The following NSD2 variants were observed in gnomAD, a reference collection of about 807,000 sequenced individuals.
NSD2 encodes the protein histone-lysine N-methyltransferase NSD2.
A neutral mutation model predicts 139.0 loss-of-function variants in NSD2; 12 were observed. The ratio of observed to expected loss-of-function variants is 0.09; its 90% CI spans 0.06 to 0.14. The LOEUF (loss-of-function observed/expected upper bound fraction) is 0.14. NSD2 is among the 10% of genes least tolerant of loss of function. NSD2 has a pLI of 1.00. For missense variants in NSD2, 1,155 were observed against 1,745.0 expected (o/e 0.66, Z 6.02); for synonymous variants, 669 against 648.7 (o/e 1.03, Z -0.48).
chr4:1,968,467 A>C (rs1726107716), intron 18 of NSD2, among the ~76,000 whole-genome samples: 1 of 152,222 alleles, frequency 6.6e-6, no homozygotes, highest in Non-Finnish European at 1.5e-5. Context: ...ACTTTGTTAA[A>C]GTATACATGT....
At chr4:1,885,916 G>A (rs1715049042) in intron 1 of NSD2, among the ~76,000 whole-genome samples, 1 of 152,014 alleles carries the variant, frequency 6.6e-6, no homozygotes, top group South Asian at 2.1e-4. Context: ...TGTGCAATTT[G>A]ACACATCATT....
Position 1,935,128 on chromosome 4 carries a change from C to T in NSD2, c.1556-16C>T, listed in dbSNP as rs778746453. On this transcript the variant is annotated splice_polypyrimidine_tract_variant and intron_variant, in intron 6 of 21. Transcript: ENST00000508803. ...GAGTGGTTTTCATGTACATTTTCCC[C>T]ATTCCCCATTCCAAGGTAATGTAAA... The T allele has an allele frequency of 1.3e-6, 2 of 1,594,134 alleles. No homozygotes were observed. The highest frequency in any genetic ancestry group is 1.7e-5 in the Admixed American group (1 of 58,794).
At chr4:1,889,626 C>G (rs1459853760) in intron 1 of NSD2, among the ~76,000 whole-genome samples, 3 of 152,008 alleles carry the variant, frequency 2.0e-5, no homozygotes, top group Non-Finnish European at 4.4e-5. Context: ...CTCAGCCTCC[C>G]AGGTAACTGG....
At chr4:1,902,540 A>G (rs1717321861) in intron 2 of NSD2, among the ~76,000 whole-genome samples, 1 of 152,026 alleles carries the variant, frequency 6.6e-6, no homozygotes, top group Non-Finnish European at 1.5e-5. Context: ...GATTTTTTGA[A>G]GTGCCCACAG....
Position 1,976,993 on chromosome 4 carries a change from A to T in NSD2, c.3826+314A>T, listed in dbSNP as rs1727153763. Among the ~76,000 whole-genome samples the T allele has an allele frequency of 6.6e-6, 1 of 152,236 alleles. No homozygotes were observed. On this transcript the variant is annotated intron_variant, in intron 21 of 21. Transcript: ENST00000508803. This position sits in a 1 kb window ranked among gnomAD's most constrained non-coding sequence, Gnocchi z 5.3. Reference sequence around the variant, plus strand: ...TCCATGCTGTGGGGGCGGGGCGGCCAGGAAGGAGGCGACGCTGGGAACTAA... The same window carrying T: ...TCCATGCTGTGGGGGCGGGGCGGCCTGGAAGGAGGCGACGCTGGGAACTAA...
At chr4:1,913,264 G>C (rs754502197) in intron 3 of NSD2, among the ~76,000 whole-genome samples, 2 of 152,154 alleles carry the variant, frequency 1.3e-5, no homozygotes, top group African/African-American at 2.4e-5. Flanking sequence ...TTACTTAGCC[G>C]ACCTTGGTCT....
intron 1 of NSD2, chr4:1,899,337 G>T (rs952253641): frequency 6.6e-6 from 1 of 152,166 alleles, no homozygotes; most frequent in Non-Finnish European, 1.5e-5. Context: ...GCCCTGTTGC[G>T]CGGGCATCCT....
At chr4:1,964,219 A>G (rs1228459980) in intron 18 of NSD2, among the ~76,000 whole-genome samples, 4 of 152,182 alleles carry the variant, frequency 2.6e-5, no homozygotes, top group Non-Finnish European at 4.4e-5. Flanking sequence ...TGAGATATGG[A>G]GGGTAAATCA....
rs556727115 is a variant in NSD2, at chr4:1,982,088, T to TAGAG, written c.*3182_*3185dup. On this transcript the variant is annotated 3_prime_UTR_variant, in exon 22 of 22. Coordinates refer to ENST00000508803, the MANE Select transcript of NSD2 (RefSeq NM_001042424.3). ...TTTTGGGGGGAGGGATATACTGAAA[T>TAGAG]AGAGAGTTGAGACTTGCCAGTTGGG... 3 of 396,674 alleles carry TAGAG rather than the reference T, an allele frequency of 7.6e-6. No homozygotes were observed. The highest frequency in any genetic ancestry group is 1.3e-5 in the Non-Finnish European group (3 of 225,498). The allele number at this position is 396,674 out of a possible 1,614,324, so 24.6% of individuals were successfully genotyped here.
intron 18 of NSD2, among the ~76,000 whole-genome samples, chr4:1,966,090 G>A (rs1725856630): frequency 6.6e-6 from 1 of 152,186 alleles, no homozygotes; most frequent in African/African-American, 2.4e-5. Flanking sequence ...CTTGTATGCA[G>A]TAAAACTGTC....
chr4:1,921,743 A>G (rs533469255), intron 5 of NSD2, among the ~76,000 whole-genome samples: 51 of 148,700 alleles, frequency 3.4e-4, no homozygotes, highest in African/African-American at 1.1e-3. Context: ...AATCACGCCA[A>G]TGCACTCCAG....
chr4:1,925,591 G>A (rs1720790583), intron 5 of NSD2, among the ~76,000 whole-genome samples: 1 of 150,998 alleles, frequency 6.6e-6, no homozygotes, highest in Non-Finnish European at 1.5e-5. Flanking sequence ...TAGAGATGGG[G>A]TTTCATTATG....
Position 1,918,223 on chromosome 4 carries a change from T to G in NSD2, c.1010T>G (p.Val337Gly). The change falls in exon 5 of 22, where the codon GTG (valine) becomes GGG (glycine). Residue 337 changes from valine (V) to glycine (G), a missense_variant. Val to Gly is a moderately radical substitution (Grantham distance 109). Coordinates refer to ENST00000508803, the MANE Select transcript of NSD2 (RefSeq NM_001042424.3). ...VQAEEAASMS[V>G]EERKAKFTFL... ...GCAGAAGAAGCTGCAAGCATGTCAG[T>G]GGAGGAGCGGAAAGCCAAGTTCACC... The G allele has an allele frequency of 6.2e-7, 1 of 1,613,364 alleles. No individual in the cohort carries two copies. Among genetic ancestry groups the G allele is most frequent in the Non-Finnish European group, 8.5e-7 (1 of 1,179,934 alleles).
At chr4:1,978,509 C>G in intron 21 of NSD2, 129 bp from the exon 22 acceptor site, 2 of 1,343,342 alleles carry the variant, frequency 1.5e-6, no homozygotes, top group Non-Finnish European at 2.0e-6. Context: ...GTCTGCCCGT[C>G]CTGTTCGCTG....
rs564013708 is a variant in NSD2, at chr4:1,943,145, G to T, written c.1881+3367G>T. The stretch of plus-strand genomic sequence containing the variant: ...TGTCTTAATGTCGGGGAGCAGCCTG[G>T]TGTCCTGCCCCAGGTGTCCGCATTT... On this transcript the variant is annotated intron_variant, in intron 9 of 21. Transcript: ENST00000508803. 1.4e-5 allele frequency: 15 copies of T among 1,044,452 alleles called. No homozygotes were observed. The South Asian group carries it at 6.0e-4, about 42-fold the overall frequency. 64.7% of individuals were successfully genotyped at this position (1,044,452 alleles called of 1,614,324 possible).
intron 1 of NSD2, among the ~76,000 whole-genome samples, chr4:1,886,603 G>A (rs1288867039): frequency 6.6e-6 from 1 of 152,062 alleles, no homozygotes; most frequent in Non-Finnish European, 1.5e-5. Flanking sequence ...AGGCCGAGGC[G>A]GGCAGATCAC....
At chr4:1,893,167 T>G (rs757894293) in intron 1 of NSD2, among the ~76,000 whole-genome samples, 2 of 152,194 alleles carry the variant, frequency 1.3e-5, no homozygotes, top group East Asian at 1.9e-4. Flanking sequence ...GAAAGAGATA[T>G]GCATATTAAA....
intron 10 of NSD2, among the ~76,000 whole-genome samples, chr4:1,951,443 TACACACACACACACACACACACAC>T (rs71167763): frequency 1.9e-4 from 19 of 101,082 alleles, no homozygotes; most frequent in African/African-American, 5.9e-4. Context: ...CATCATGTAA[TACACACACACACACACACACACAC>T]ACACACACAC....
chr4:1,909,211 G>T (rs944132711), intron 3 of NSD2, among the ~76,000 whole-genome samples: 1 of 151,892 alleles, frequency 6.6e-6, no homozygotes, highest in South Asian at 2.1e-4. Context: ...ACCTCTTTAC[G>T]TTCTGGTACA....
Sources: allele counts gnomAD v4.1 joint callset (sites outside exome capture counted in the v4.1 genomes callset), GRCh38; gene constraint gnomAD v4.1.1; non-coding constraint Gnocchi (gnomAD v3.1); transcripts MANE v1.5; gene names NCBI Gene and HGNC (gene_info 2026-07-23, HGNC 2026-07-21).